The following TMEM135 variants were observed in gnomAD, a reference collection of about 807,000 sequenced individuals.
TMEM135 encodes peroxisomal membrane protein 52.
TMEM135 carries 30 observed loss-of-function variants against 60.3 expected under a neutral mutation model. The observed-to-expected ratio is 0.50, with a 90% CI of 0.37 to 0.68. The LOEUF (loss-of-function observed/expected upper bound fraction) is 0.68, where lower values mean the gene tolerates loss of function less well. TMEM135 is among the 30% of genes least tolerant of loss of function. The pLI, the probability that TMEM135 is intolerant of heterozygous loss-of-function variation, is 0.00. For synonymous variants in TMEM135, 190 were observed against 186.7 expected, an observed-to-expected ratio of 1.02 and a Z score of -0.14; for missense variants, 468 against 548.8, an observed-to-expected ratio of 0.85 and a Z score of 1.47.
At chr11:87,146,288 G>A (rs1269744541) in intron 4 of TMEM135, among the ~76,000 whole-genome samples, 1 of 152,164 alleles carries the variant, frequency 6.6e-6, no homozygotes, top group African/African-American at 2.4e-5. Flanking sequence ...GGCTGAGGCA[G>A]GAGGATTAGT....
At chr11:87,055,406 G>A (rs1233743557) in intron 1 of TMEM135, among the ~76,000 whole-genome samples, 2 of 152,124 alleles carry the variant, frequency 1.3e-5, no homozygotes, top group African/African-American at 4.8e-5. Context: ...CAAACACCTC[G>A]ATTAACAGAT....
At chr11:87,142,542 A>G (rs574983002) in intron 4 of TMEM135, among the ~76,000 whole-genome samples, 48 of 152,310 alleles carry the variant, frequency 3.2e-4, no homozygotes, top group African/African-American at 1.1e-3. Context: ...TCTGCCATTA[A>G]TTGTGTTTTC....
At chr11:87,161,534 G>C (rs541532214) in intron 5 of TMEM135, among the ~76,000 whole-genome samples, 22 of 152,110 alleles carry the variant, frequency 1.4e-4, no homozygotes, top group African/African-American at 4.3e-4. Flanking sequence ...TTTTGAAAGA[G>C]AACAAAGTTT....
chr11:87,208,514 A>C (rs1344442126), intron 5 of TMEM135, among the ~76,000 whole-genome samples: 3 of 148,946 alleles, frequency 2.0e-5, no homozygotes, highest in Non-Finnish European at 4.5e-5. Context: ...ATAAAAATAA[A>C]GAAAAGAAAT....
chr11:87,136,661 CT>C (rs5793240), intron 4 of TMEM135, among the ~76,000 whole-genome samples: 70,710 of 148,132 alleles, frequency 0.48, 16,792 homozygotes, highest in East Asian at 0.67. Context: ...ACTATTTCAA[CT>C]TTTTTTTTTT....
chr11:87,056,526 T>G (rs1469806745), intron 1 of TMEM135, among the ~76,000 whole-genome samples: 1 of 152,254 alleles, frequency 6.6e-6, no homozygotes, highest in Non-Finnish European at 1.5e-5. Context: ...TATCAAAGAT[T>G]AGTAAAGGAT....
intron 5 of TMEM135, among the ~76,000 whole-genome samples, chr11:87,211,519 G>A (rs10898619): frequency 0.088 from 13,413 of 152,068 alleles, 712 homozygotes; most frequent in East Asian, 0.18. Context: ...TGCAGAATTT[G>A]GTGACTTTGG....
chr11:87,240,475 T>A (rs1941105136), intron 6 of TMEM135, among the ~76,000 whole-genome samples: 1 of 152,046 alleles, frequency 6.6e-6, no homozygotes, highest in South Asian at 2.1e-4. Context: ...GGCAAAGCAG[T>A]TTGCATTCAT....
intron 9 of TMEM135, among the ~76,000 whole-genome samples, chr11:87,307,982 G>A (rs1403687581): frequency 2.0e-5 from 3 of 152,128 alleles, no homozygotes; most frequent in Non-Finnish European, 4.4e-5. Context: ...CTATTTAAAT[G>A]TCATATCATT....
At chr11:87,070,041 T>A (rs1442827680) in intron 2 of TMEM135, among the ~76,000 whole-genome samples, 1 of 151,302 alleles carries the variant, frequency 6.6e-6, no homozygotes, top group African/African-American at 2.4e-5. Flanking sequence ...GGCATGGTAG[T>A]GTGCCCGTAG....
intron 4 of TMEM135, among the ~76,000 whole-genome samples, chr11:87,108,035 T>C (rs556236933): frequency 6.6e-6 from 1 of 152,240 alleles, no homozygotes; most frequent in African/African-American, 2.4e-5. Flanking sequence ...TTTTTTCATG[T>C]GTCTTTTGGC....
chr11:87,255,608 C>G (rs1483989548), intron 6 of TMEM135, among the ~76,000 whole-genome samples: 4 of 151,662 alleles, frequency 2.6e-5, no homozygotes, highest in African/African-American at 9.7e-5. Context: ...TGTGAGTAGA[C>G]ACTGTACTCC....
intron 4 of TMEM135, among the ~76,000 whole-genome samples, chr11:87,140,691 A>G (rs528902390): frequency 3.3e-5 from 5 of 152,274 alleles, no homozygotes; most frequent in Admixed American, 1.3e-4. Flanking sequence ...CCAATGTAGT[A>G]TATCTTTGCT....
At position 87,328,782 on chromosome 11, in the gene TMEM135, A is replaced by C. The variant is rs1399963002; in HGVS notation, c.*7449A>C. 1 of 454,060 alleles carries C rather than the reference A, an allele frequency of 2.2e-6. No individual in the cohort carries two copies. 28.1% of individuals were successfully genotyped at this position (454,060 alleles called of 1,614,324 possible). A position where few individuals can be genotyped will look rare whatever the true frequency, so the allele number is the denominator to read the frequency against. On this transcript the variant is annotated 3_prime_UTR_variant, in exon 15 of 15. Transcript: ENST00000305494. ...ACTTTGGTTGATTCTGTATCTTTGC[A>C]ATTGTGAACTGTGTTAACAATAAAA... is the stretch of plus-strand genomic sequence containing the variant.
intron 5 of TMEM135, among the ~76,000 whole-genome samples, chr11:87,168,157 C>G (rs1213475795): frequency 6.6e-6 from 1 of 152,080 alleles, no homozygotes; most frequent in Non-Finnish European, 1.5e-5. Flanking sequence ...ATGGTGATAT[C>G]TCTTTTATCT....
intron 1 of TMEM135, among the ~76,000 whole-genome samples, chr11:87,047,450 T>G (rs1344463721): frequency 1.3e-5 from 2 of 150,974 alleles, no homozygotes; most frequent in Non-Finnish European, 3.0e-5. Context: ...CGCAGGCCAG[T>G]GTGTGCGCGC....
intron 5 of TMEM135, among the ~76,000 whole-genome samples, chr11:87,162,130 GA>G (rs1172581659): frequency 2.0e-5 from 3 of 151,466 alleles, no homozygotes; most frequent in East Asian, 3.8e-4. Context: ...AAATAATAAA[GA>G]AATAAATGAC....
intron 5 of TMEM135, among the ~76,000 whole-genome samples, chr11:87,210,143 A>G (rs1296161865): frequency 2.6e-5 from 4 of 152,262 alleles, no homozygotes; most frequent in Non-Finnish European, 5.9e-5. Context: ...CCCCAAAGCT[A>G]GCAGAAGAAA....
chr11:87,043,717 G>A (rs1949770732), intron 1 of TMEM135, among the ~76,000 whole-genome samples: 1 of 150,756 alleles, frequency 6.6e-6, no homozygotes, highest in African/African-American at 2.5e-5. Flanking sequence ...GCGAGACTCT[G>A]TCTCAAAACA....
Sources: gnomAD v4.1 joint callset for allele counts (sites outside exome capture counted in the v4.1 genomes callset) on GRCh38, gnomAD v4.1.1 for gene constraint, MANE v1.5 for transcripts, NCBI Gene and HGNC (gene_info 2026-07-23, HGNC 2026-07-21) for gene names.